Variants in GALNT1 observed in about 807,000 individuals in gnomAD.
GALNT1 encodes polypeptide N-acetylgalactosaminyltransferase 1.
GALNT1 carries 17 observed loss-of-function variants against 65.7 expected under a neutral mutation model. The observed-to-expected ratio is 0.26, with a 90% confidence interval of 0.18 to 0.39. The LOEUF (loss-of-function observed/expected upper bound fraction) is 0.39. GALNT1 is among the 10% of genes least tolerant of loss of function. GALNT1 has a pLI of 1.00. For synonymous variants in GALNT1, 210 were observed against 219.7 expected, an observed-to-expected ratio of 0.96 and a Z score of 0.39; for missense variants, 460 against 672.8, an observed-to-expected ratio of 0.68 and a Z score of 3.50.
intron 5 of GALNT1, among the ~76,000 whole-genome samples, chr18:35,685,974 G>A (rs1427477533): frequency 2.6e-5 from 4 of 152,070 alleles, no homozygotes; most frequent in Admixed American, 2.0e-4. Context: ...AGGCTGAGTC[G>A]GGAGGATCGC....
intron 1 of GALNT1, among the ~76,000 whole-genome samples, chr18:35,598,991 G>GT (rs377086201): frequency 0.034 from 3,961 of 114,924 alleles, 81 homozygotes; most frequent in Middle Eastern, 0.064. Context: ...GTATCCAGGC[G>GT]TTTTTTTTTT....
chr18:35,644,051 C>T (rs1442515718), intron 1 of GALNT1, among the ~76,000 whole-genome samples: 1 of 152,130 alleles, frequency 6.6e-6, no homozygotes, highest in Non-Finnish European at 1.5e-5. Flanking sequence ...ACTGTATTCT[C>T]TAATTTGAAA....
chr18:35,631,921 C>T (rs2047017651), intron 1 of GALNT1, among the ~76,000 whole-genome samples: 1 of 150,744 alleles, frequency 6.6e-6, no homozygotes, highest in Admixed American at 6.6e-5. Context: ...TAACAGACAG[C>T]CAAATCATGA....
At chr18:35,660,227 T>C (rs932727628) in intron 2 of GALNT1, among the ~76,000 whole-genome samples, 2 of 99,036 alleles carry the variant, frequency 2.0e-5, no homozygotes, top group Non-Finnish European at 4.3e-5. Flanking sequence ...AAAGAAGTCA[T>C]ATAACTTTAG....
At chr18:35,687,232 G>C in intron 6 of GALNT1, 46 bp downstream of exon 6, 1 of 1,567,800 alleles carries the variant, frequency 6.4e-7, no homozygotes, top group South Asian at 1.2e-5. Context: ...ATTGGCAGAA[G>C]GTTGTGGAGC....
intron 1 of GALNT1, among the ~76,000 whole-genome samples, chr18:35,622,449 C>T (rs1598786289): frequency 1.3e-5 from 2 of 151,828 alleles, no homozygotes; most frequent in African/African-American, 4.8e-5. Context: ...ACAGGGTCTC[C>T]CTATGTTGCT....
At chr18:35,599,376 T>TC (rs1159032026) in intron 1 of GALNT1, among the ~76,000 whole-genome samples, 2 of 150,076 alleles carry the variant, frequency 1.3e-5, no homozygotes, top group Admixed American at 1.3e-4. Flanking sequence ...CTTTTTTTTT[T>TC]TTTTTTTTTT....
At chr18:35,652,372 G>A (rs1211926787) in intron 1 of GALNT1, among the ~76,000 whole-genome samples, 4 of 152,110 alleles carry the variant, frequency 2.6e-5, no homozygotes, top group African/African-American at 9.7e-5. Context: ...TCTCTCAGAG[G>A]GGTCTGTTTT....
chr18:35,629,548 C>A (rs181145573), intron 1 of GALNT1, among the ~76,000 whole-genome samples: 2,076 of 152,204 alleles, frequency 0.014, 41 homozygotes, highest in African/African-American at 0.046. Flanking sequence ...GCCTGCCCTA[C>A]GAGAGCTCCT....
At chr18:35,662,628 T>C (rs1404569634) in intron 2 of GALNT1, among the ~76,000 whole-genome samples, 1 of 152,200 alleles carries the variant, frequency 6.6e-6, no homozygotes, top group East Asian at 1.9e-4. Context: ...TTAGAAATGT[T>C]TTGAGGATGC....
At chr18:35,704,880 G>A (rs1041094146) in intron 11 of GALNT1, among the ~76,000 whole-genome samples, 2 of 151,976 alleles carry the variant, frequency 1.3e-5, no homozygotes, top group Non-Finnish European at 2.9e-5. Context: ...CTGACCTCAG[G>A]TGATCTGCCC....
At chr18:35,691,334 TCACA>T in intron 8 of GALNT1, 142 bp downstream of exon 8, 1 of 603,290 alleles carries the variant, frequency 1.7e-6, no homozygotes, top group Non-Finnish European at 2.7e-6. Context: ...ATGAATGAAA[TCACA>T]CACAGTATAG....
chr18:35,640,180 T>C (rs865903839), intron 1 of GALNT1, among the ~76,000 whole-genome samples: 1 of 152,250 alleles, frequency 6.6e-6, no homozygotes, highest in African/African-American at 2.4e-5. Context: ...CATTCTTTTT[T>C]TGCCTTATTA....
At chr18:35,581,722 G>T (rs1462821860), upstream of GALNT1, 2 of 143,416 alleles carry the variant, frequency 1.4e-5, no homozygotes, top group Non-Finnish European at 3.1e-5. Flanking sequence ...CCGCCCGCCC[G>T]CCGGGGGAGC....
rs1356283130 is a variant in GALNT1 at position 35,609,424 on chromosome 18, A to G, written c.-104+27562A>G. On this transcript the variant is annotated intron_variant, in intron 1 of 11. Transcript: ENST00000269195. ...GAAATAGCTTGGCTTTTCAGACCTCATGTTTGAGATGGTGTTTGCTCTTGG... is the reference window on the plus strand; with the variant it reads ...GAAATAGCTTGGCTTTTCAGACCTCGTGTTTGAGATGGTGTTTGCTCTTGG... 2.6e-5 allele frequency among the ~76,000 whole-genome samples: 4 copies of G among 152,182 alleles called. No homozygotes were observed. In the South Asian group the frequency reaches 6.2e-4, roughly 24 times the overall value.
intron 7 of GALNT1, among the ~76,000 whole-genome samples, chr18:35,690,508 G>A (rs1163486565): frequency 6.6e-6 from 1 of 152,132 alleles, no homozygotes; most frequent in African/African-American, 2.4e-5. Context: ...AACAAGTACA[G>A]GTTGCAATTC....
At chr18:35,593,229 C>T (rs2046466003) in intron 1 of GALNT1, among the ~76,000 whole-genome samples, 1 of 152,140 alleles carries the variant, frequency 6.6e-6, no homozygotes. Flanking sequence ...GTCAGGAAAC[C>T]AATAGAGGAG....
At position 35,710,406 on chromosome 18, in the gene GALNT1, T is replaced by C. The variant is rs2048334719; in HGVS notation, c.*636T>C. On this transcript the variant is annotated 3_prime_UTR_variant, in exon 12 of 12. Transcript: ENST00000269195. ...GGAAAAATAACTGATTCCAATGACA[T>C]TCATTTTGTTTTCATCTGTGATAGT... The C allele has an allele frequency of 6.6e-6, 1 of 152,628 alleles. No individual in the cohort carries two copies. Among genetic ancestry groups the C allele is most frequent in the African/African-American group, 2.4e-5 (1 of 41,458 alleles). The allele number at this position is 152,628 out of a possible 1,614,324, so 9.5% of individuals were successfully genotyped here.
chr18:35,674,445 C>T (rs575922682), intron 3 of GALNT1, among the ~76,000 whole-genome samples: 1 of 152,168 alleles, frequency 6.6e-6, no homozygotes, highest in East Asian at 1.9e-4. Context: ...CACTGGCAAC[C>T]GCACAGTATG....
Sources: allele counts gnomAD v4.1 joint callset (sites outside exome capture counted in the v4.1 genomes callset), GRCh38; gene constraint gnomAD v4.1.1; transcripts MANE v1.5; gene names NCBI Gene and HGNC (gene_info 2026-07-23, HGNC 2026-07-21).